The following MAST2 variants were observed in gnomAD, a reference collection of about 807,000 sequenced individuals.
MAST2 encodes microtubule associated serine/threonine kinase 2, also known as microtubule-associated serine/threonine-protein kinase 2.
In MAST2, 70 loss-of-function variants were observed where a neutral mutation model predicts 147.4. The observed-to-expected ratio is 0.47, with a 90% CI of 0.39 to 0.58. MAST2 has a LOEUF of 0.58. Ranked by LOEUF, MAST2 falls within the 20% of genes least tolerant of loss-of-function variation. MAST2 has a pLI of 0.00. For missense variants in MAST2, 2,080 were observed against 2,302.3 expected, an observed-to-expected ratio of 0.90 and a Z score of 1.98; for synonymous variants, 869 against 896.8, an observed-to-expected ratio of 0.97 and a Z score of 0.55.
intron 2 of MAST2, among the ~76,000 whole-genome samples, chr1:45,827,080 G>A (rs1029913456): frequency 3.4e-4 from 51 of 152,140 alleles, no homozygotes; most frequent in Admixed American, 5.9e-4. Flanking sequence ...CGCCTGCCTC[G>A]GCCTCCCAAA....
intron 4 of MAST2, among the ~76,000 whole-genome samples, chr1:45,935,518 A>G (rs911624907): frequency 8.5e-5 from 13 of 152,088 alleles, no homozygotes; most frequent in Non-Finnish European, 1.5e-5. Flanking sequence ...GGGTTGTTAT[A>G]GTTTTAGGTT....
intron 5 of MAST2, among the ~76,000 whole-genome samples, chr1:45,997,288 C>G (rs917320088): frequency 6.6e-6 from 1 of 152,138 alleles, no homozygotes; most frequent in Admixed American, 6.5e-5. Context: ...CCTGGTTTAG[C>G]CCTTGGATAC....
intron 3 of MAST2, among the ~76,000 whole-genome samples, chr1:45,863,836 G>T (rs1204438998): frequency 6.6e-6 from 1 of 152,124 alleles, no homozygotes; most frequent in Non-Finnish European, 1.5e-5. Flanking sequence ...AGTAATTATT[G>T]TAGCATGTCT....
chr1:45,831,098 T>A (rs1644944026), intron 3 of MAST2, among the ~76,000 whole-genome samples: 1 of 151,818 alleles, frequency 6.6e-6, no homozygotes, highest in South Asian at 2.1e-4. Context: ...CTTACAAAAT[T>A]AAAGCTGTGT....
chr1:45,903,959 A>G (rs1194227611), intron 4 of MAST2, among the ~76,000 whole-genome samples: 1 of 152,234 alleles, frequency 6.6e-6, no homozygotes, highest in Non-Finnish European at 1.5e-5. Context: ...ATAGAAAACT[A>G]ATACATCATG....
chr1:46,021,739 A>T (rs917694743), intron 11 of MAST2, among the ~76,000 whole-genome samples: 1 of 152,244 alleles, frequency 6.6e-6, no homozygotes, highest in African/African-American at 2.4e-5. Flanking sequence ...GCATATGCTT[A>T]GCATGTCCAA....
intron 4 of MAST2, among the ~76,000 whole-genome samples, chr1:45,954,827 A>ATC (rs1325652700): frequency 2.0e-5 from 3 of 152,130 alleles, no homozygotes; most frequent in Non-Finnish European, 4.4e-5. Flanking sequence ...TGGAAATACG[A>ATC]TCTTTAGTGT....
chr1:45,994,112 G>A (rs912669753), intron 5 of MAST2, among the ~76,000 whole-genome samples: 8 of 151,998 alleles, frequency 5.3e-5, no homozygotes, highest in Admixed American at 2.0e-4. Flanking sequence ...TATTAAGCAG[G>A]GAAGCTCACA....
chr1:45,827,474 A>G (rs1204263767), intron 2 of MAST2, among the ~76,000 whole-genome samples: 1 of 152,132 alleles, frequency 6.6e-6, no homozygotes, highest in East Asian at 1.9e-4. Context: ...TATTTTGAAG[A>G]GAGAGATGAT....
At chr1:45,936,713 C>T (rs1360639780) in intron 4 of MAST2, among the ~76,000 whole-genome samples, 1 of 152,124 alleles carries the variant, frequency 6.6e-6, no homozygotes, top group African/African-American at 2.4e-5. Flanking sequence ...TTATCCCCAT[C>T]AGTCTCTGAC....
chr1:45,917,322 T>C, intron 4 of MAST2: 5 of 1,357,022 alleles, frequency 3.7e-6, no homozygotes, highest in South Asian at 3.5e-5. Flanking sequence ...TTTTTTCCTA[T>C]TGTGGTACCT....
chr1:45,917,731 AT>A (rs1652797237), intron 4 of MAST2, among the ~76,000 whole-genome samples: 1 of 152,112 alleles, frequency 6.6e-6, no homozygotes, highest in African/African-American at 2.4e-5. Context: ...CAGTACTTGG[AT>A]TTTTGAGGCT....
At chr1:45,973,026 C>T (rs4489497) in intron 5 of MAST2, among the ~76,000 whole-genome samples, 51,540 of 151,970 alleles carry the variant, frequency 0.34, 9,121 homozygotes, top group African/African-American at 0.43. Context: ...TAGAATCTTA[C>T]ATATCATTAA....
chr1:46,009,607 C>T (rs1319561728), intron 9 of MAST2, among the ~76,000 whole-genome samples: 1 of 152,172 alleles, frequency 6.6e-6, no homozygotes, highest in African/African-American at 2.4e-5. Context: ...AGAAATGTAT[C>T]TCATGCTTGT....
chr1:46,029,015 G>T (rs1180676777), intron 18 of MAST2, 82 bp downstream of exon 18: 1 of 1,426,694 alleles, frequency 7.0e-7, no homozygotes, highest in Non-Finnish European at 9.5e-7. Flanking sequence ...CGTGAGGCCT[G>T]TGAGCTCTTG....
Position 45,836,360 on chromosome 1 carries a change from G to A in MAST2, c.468+6779G>A, listed in dbSNP as rs376322247. ...TAATAATATTTTAGAACTGTCTGTTGAGGTCACATGGAGTATGCTGTTAAA... is the reference window on the plus strand; with the variant it reads ...TAATAATATTTTAGAACTGTCTGTTAAGGTCACATGGAGTATGCTGTTAAA... On this transcript the variant is annotated intron_variant, in intron 3 of 28. Coordinates refer to ENST00000361297, the MANE Select transcript of MAST2 (RefSeq NM_015112.3). 1.1e-4 allele frequency among the ~76,000 whole-genome samples: 17 copies of A among 152,210 alleles called. No homozygotes were observed. In the South Asian group the frequency reaches 3.1e-3, roughly 28 times the overall value.
intron 3 of MAST2, among the ~76,000 whole-genome samples, chr1:45,864,701 C>A (rs1395954321): frequency 6.6e-6 from 1 of 152,122 alleles, no homozygotes. Context: ...AGCTTAGTAG[C>A]TGTAGGTGGA....
chr1:45,883,016 T>G (rs973634970), intron 4 of MAST2, among the ~76,000 whole-genome samples: 1 of 152,210 alleles, frequency 6.6e-6, no homozygotes, highest in African/African-American at 2.4e-5. Context: ...CTGGAATGTT[T>G]GTTAAAGTGC....
intron 4 of MAST2, among the ~76,000 whole-genome samples, chr1:45,955,780 G>A (rs934501231): frequency 5.9e-5 from 9 of 152,214 alleles, no homozygotes; most frequent in Non-Finnish European, 1.3e-4. Context: ...AGGTCATGGA[G>A]AATCCAGACC....
Sources: gnomAD v4.1 joint callset for allele counts (sites outside exome capture counted in the v4.1 genomes callset) on GRCh38, gnomAD v4.1.1 for gene constraint, MANE v1.5 for transcripts, NCBI Gene and HGNC (gene_info 2026-07-23, HGNC 2026-07-21) for gene names.